The following PPP3CA variants were observed in gnomAD, a reference collection of about 807,000 sequenced individuals.
PPP3CA encodes CAM-PRP catalytic subunit.
In PPP3CA, 14 loss-of-function variants were observed where a neutral mutation model predicts 66.5. The ratio of observed to expected loss-of-function variants is 0.21; its 90% CI spans 0.14 to 0.33. The LOEUF is 0.33. Ranked by LOEUF, PPP3CA falls within the 10% of genes least tolerant of loss-of-function variation. The pLI is 1.00. For synonymous variants in PPP3CA, 232 were observed against 226.2 expected (o/e 1.03, Z -0.23); for missense variants, 317 against 639.5 (o/e 0.50, Z 5.44).
intron 2 of PPP3CA, among the ~76,000 whole-genome samples, chr4:101,122,431 C>A (rs1363298185): frequency 6.6e-6 from 1 of 152,056 alleles, no homozygotes; most frequent in Non-Finnish European, 1.5e-5. Context: ...TATGTGCACA[C>A]GTACTTATGT....
intron 2 of PPP3CA, among the ~76,000 whole-genome samples, chr4:101,127,583 C>T (rs575659967): frequency 1.1e-4 from 16 of 152,174 alleles, no homozygotes; most frequent in East Asian, 5.8e-4. Flanking sequence ...AAGAAGGCCC[C>T]GCCTACATCC....
intron 1 of PPP3CA, among the ~76,000 whole-genome samples, chr4:101,321,598 G>C (rs1292060736): frequency 6.6e-6 from 1 of 152,014 alleles, no homozygotes; most frequent in Non-Finnish European, 1.5e-5. Flanking sequence ...ATCTATAAAA[G>C]GACTAGGGAG....
chr4:101,062,586 A>G (rs781377059), intron 9 of PPP3CA, among the ~76,000 whole-genome samples: 1 of 151,968 alleles, frequency 6.6e-6, no homozygotes, highest in Non-Finnish European at 1.5e-5. Context: ...TTTCCCCAAA[A>G]TTTTTGTTGG....
chr4:101,203,257 G>A (rs141633421), intron 1 of PPP3CA, among the ~76,000 whole-genome samples: 290 of 152,266 alleles, frequency 1.9e-3, no homozygotes, highest in East Asian at 0.014. Context: ...AACACTTTGC[G>A]AGGCCGAGGT....
At chr4:101,092,661 C>A (rs1730007086) in intron 6 of PPP3CA, among the ~76,000 whole-genome samples, 1 of 152,008 alleles carries the variant, frequency 6.6e-6, no homozygotes, top group African/African-American at 2.4e-5. Context: ...TTGTTCAACT[C>A]CCACTTATGA....
intron 1 of PPP3CA, among the ~76,000 whole-genome samples, chr4:101,255,661 A>G (rs1321411413): frequency 6.6e-6 from 1 of 151,978 alleles, no homozygotes; most frequent in Non-Finnish European, 1.5e-5. Flanking sequence ...AAAGTAGTCT[A>G]TTATTTTAAT....
At chr4:101,059,594 C>T (rs905114452) in intron 10 of PPP3CA, among the ~76,000 whole-genome samples, 4 of 152,048 alleles carry the variant, frequency 2.6e-5, no homozygotes, top group Non-Finnish European at 5.9e-5. Context: ...CTGTATCAAG[C>T]CCAGGTAAAC....
intron 2 of PPP3CA, among the ~76,000 whole-genome samples, chr4:101,193,464 A>T (rs1197439793): frequency 6.6e-6 from 1 of 152,092 alleles, no homozygotes; most frequent in Non-Finnish European, 1.5e-5. Flanking sequence ...CTAGTCAGCC[A>T]TGTTAGCTGA....
chr4:101,317,643 T>C (rs1163512894), intron 1 of PPP3CA, among the ~76,000 whole-genome samples: 1 of 152,250 alleles, frequency 6.6e-6, no homozygotes, highest in Non-Finnish European at 1.5e-5. Flanking sequence ...ACTCGGCTAC[T>C]GACAATACTA....
intron 6 of PPP3CA, among the ~76,000 whole-genome samples, chr4:101,089,377 G>C (rs1301989446): frequency 6.6e-6 from 1 of 152,188 alleles, no homozygotes; most frequent in African/African-American, 2.4e-5. Flanking sequence ...GTCAACTGCT[G>C]CACAGAAGCT....
chr4:101,262,277 C>T (rs1260392174), intron 1 of PPP3CA, among the ~76,000 whole-genome samples: 1 of 152,004 alleles, frequency 6.6e-6, no homozygotes, highest in Non-Finnish European at 1.5e-5. Context: ...TATACAAACC[C>T]CTCCAGTCTT....
chr4:101,288,784 A>G (rs1281660451), intron 1 of PPP3CA, among the ~76,000 whole-genome samples: 2 of 152,300 alleles, frequency 1.3e-5, no homozygotes, highest in East Asian at 3.9e-4. Flanking sequence ...CCCCCAAAAA[A>G]TGTTTATATG....
At chr4:101,343,098 C>G (rs1729868912) in intron 1 of PPP3CA, among the ~76,000 whole-genome samples, 1 of 152,098 alleles carries the variant, frequency 6.6e-6, no homozygotes, top group East Asian at 1.9e-4. Flanking sequence ...CTGAGAGATT[C>G]CACAAAACTC....
intron 1 of PPP3CA, among the ~76,000 whole-genome samples, chr4:101,228,653 G>A (rs1725857812): frequency 6.6e-6 from 1 of 151,462 alleles, no homozygotes; most frequent in Non-Finnish European, 1.5e-5. Flanking sequence ...AATAATTTTT[G>A]TGGATTAGAG....
chr4:101,050,519 G>T (rs1727963166), intron 10 of PPP3CA, among the ~76,000 whole-genome samples: 1 of 152,240 alleles, frequency 6.6e-6, no homozygotes, highest in Admixed American at 6.5e-5. Context: ...ATAAAGTGAG[G>T]CATGTTCTAA....
intron 8 of PPP3CA, among the ~76,000 whole-genome samples, chr4:101,064,645 A>G (rs2110227579): frequency 6.6e-6 from 1 of 152,090 alleles, no homozygotes; most frequent in Non-Finnish European, 1.5e-5. Context: ...ATCTTTTTCA[A>G]GCAAATTATT....
chr4:101,063,045 A>G (rs1728540845), intron 9 of PPP3CA, among the ~76,000 whole-genome samples, 187 bp downstream of exon 9: 1 of 150,902 alleles, frequency 6.6e-6, no homozygotes, highest in Non-Finnish European at 1.5e-5. Context: ...CTTCCCCCTC[A>G]TTCACCAATT....
In PPP3CA at chr4:101,175,159, A is replaced by T. The variant is rs896989041; in HGVS notation, c.259+20757T>A. Among the ~76,000 whole-genome samples, 4 of 152,164 alleles carry T rather than the reference A, an allele frequency of 2.6e-5. 1 individual carries two copies. On this transcript the variant is annotated intron_variant, in intron 2 of 13. Coordinates refer to ENST00000394854, the MANE Select transcript of PPP3CA (RefSeq NM_000944.5). ...AGAAACAAAGAATTTTTGGAAGAAG[A>T]AGCTGGAATGACATCATCTTTGTTT...
intron 1 of PPP3CA, among the ~76,000 whole-genome samples, chr4:101,303,727 C>T (rs903519574): frequency 1.8e-4 from 28 of 152,074 alleles, no homozygotes; most frequent in Non-Finnish European, 4.1e-4. Flanking sequence ...ATCACTGAGA[C>T]AAAAAGTACA....
Sources: allele counts gnomAD v4.1 joint callset (sites outside exome capture counted in the v4.1 genomes callset), GRCh38; gene constraint gnomAD v4.1.1; transcripts MANE v1.5; gene names NCBI Gene and HGNC (gene_info 2026-07-23, HGNC 2026-07-21).